Variants in MYOCD observed in about 807,000 individuals in gnomAD.
MYOCD encodes the protein myocardin.
MYOCD carries 32 observed loss-of-function variants against 96.1 expected under a neutral mutation model. The ratio of observed to expected loss-of-function variants is 0.33; its 90% CI spans 0.25 to 0.45. The LOEUF (loss-of-function observed/expected upper bound fraction) is 0.45, where lower values mean the gene tolerates loss of function less well. MYOCD is among the 20% of genes least tolerant of loss of function. The probability of loss-of-function intolerance (pLI) is 1.00; values close to 1 mark genes in which losing one functional copy is unlikely to be tolerated. For synonymous variants in MYOCD, 469 were observed against 469.0 expected, an observed-to-expected ratio of 1.00 and a Z score of 0.00; for missense variants, 1,133 against 1,200.6, an observed-to-expected ratio of 0.94 and a Z score of 0.83.
intron 5 of MYOCD, among the ~76,000 whole-genome samples, chr17:12,726,919 C>T (rs892069503): frequency 6.6e-6 from 1 of 152,070 alleles, no homozygotes; most frequent in Non-Finnish European, 1.5e-5. Flanking sequence ...TATTTGTCCA[C>T]TCAAATTTTC....
intron 4 of MYOCD, among the ~76,000 whole-genome samples, chr17:12,718,660 G>A (rs1459861759): frequency 6.6e-6 from 1 of 152,154 alleles, no homozygotes; most frequent in Non-Finnish European, 1.5e-5. Flanking sequence ...AGAGGCCAAT[G>A]CTGAACTCAA....
chr17:12,669,650 G>T (rs1046966123), intron 1 of MYOCD, among the ~76,000 whole-genome samples: 2 of 151,520 alleles, frequency 1.3e-5, no homozygotes, highest in Non-Finnish European at 2.9e-5. Context: ...ACGGAGTCTC[G>T]CTCTGTTGCC....
intron 10 of MYOCD, among the ~76,000 whole-genome samples, chr17:12,754,776 A>G (rs1173237581): frequency 1.3e-5 from 2 of 152,256 alleles, no homozygotes; most frequent in Non-Finnish European, 2.9e-5. Flanking sequence ...AGGAATCAGA[A>G]GAAAACTTAC....
In MYOCD at chr17:12,678,908, G is replaced by A. The variant is rs550113338; in HGVS notation, c.55+12665G>A. On this transcript the variant is annotated intron_variant, in intron 1 of 13. Transcript: ENST00000425538. ...GAGATGGGGTTTCAGTGTGTTAGCC[G>A]GGATGGTCTCAATCTCCTGACCTCG... 9.2e-5 allele frequency among the ~76,000 whole-genome samples: 14 copies of A among 151,942 alleles called. No individual in the cohort carries two copies. The East Asian group carries it at 2.1e-3, about 23-fold the overall frequency.
At chr17:12,754,381 C>A (rs1000842807) in intron 10 of MYOCD, among the ~76,000 whole-genome samples, 1 of 152,182 alleles carries the variant, frequency 6.6e-6, no homozygotes, top group Non-Finnish European at 1.5e-5. Flanking sequence ...GGATTACAGG[C>A]GTGAGCCACC....
chr17:12,742,829 C>T (rs899613274), intron 7 of MYOCD, among the ~76,000 whole-genome samples: 1 of 152,132 alleles, frequency 6.6e-6, no homozygotes, highest in African/African-American at 2.4e-5. Context: ...ACCTCCGCCT[C>T]CCAAAGTGCT....
intron 1 of MYOCD, among the ~76,000 whole-genome samples, chr17:12,700,200 C>T (rs140753052): frequency 0.011 from 1,596 of 151,776 alleles, 9 homozygotes; most frequent in Non-Finnish European, 0.016. Context: ...TGAGCCACCA[C>T]AACCAGTCAA....
intron 1 of MYOCD, among the ~76,000 whole-genome samples, chr17:12,698,320 A>C (rs965459432): frequency 1.3e-5 from 2 of 152,214 alleles, no homozygotes; most frequent in Admixed American, 1.3e-4. Context: ...GTCATAAGCC[A>C]GTCCATAGAA....
chr17:12,750,683 C>T (rs1447276901), intron 9 of MYOCD, among the ~76,000 whole-genome samples: 2 of 151,446 alleles, frequency 1.3e-5, no homozygotes, highest in Non-Finnish European at 2.9e-5. Flanking sequence ...AGCAAGACTC[C>T]GCCTCAAAAA....
intron 1 of MYOCD, among the ~76,000 whole-genome samples, chr17:12,695,828 T>C (rs1353924921): frequency 6.6e-6 from 1 of 152,128 alleles, no homozygotes; most frequent in Non-Finnish European, 1.5e-5. Context: ...TCTGTTTGCA[T>C]TAAACTATAA....
intron 5 of MYOCD, among the ~76,000 whole-genome samples, chr17:12,726,073 G>A (rs1322920053): frequency 6.6e-6 from 1 of 152,074 alleles, no homozygotes; most frequent in Non-Finnish European, 1.5e-5. Context: ...ATTATTAGTT[G>A]GGATAATGCT....
chr17:12,753,192 C>T lies in MYOCD; in HGVS notation c.1904C>T (p.Pro635Leu). 1 of 1,614,158 alleles carries T rather than the reference C, an allele frequency of 6.2e-7. No homozygotes were observed. The highest frequency in any genetic ancestry group is 8.5e-7 in the Non-Finnish European group (1 of 1,180,024). The change falls in exon 10 of 14, where the codon CCT becomes CTT. Residue 635 changes from proline (P) to leucine (L), a missense_variant. By Grantham distance (98) the Pro-to-Leu change is moderately conservative. Transcript: ENST00000425538. ...SSTFLSPQCS[P>L]QHSPLGAVKS... ...ACATTTCTCAGCCCCCAGTGTTCCC[C>T]TCAGCATTCACCGCTGGGGGCTGTG...
At position 12,763,812 on chromosome 17, in the gene MYOCD, A is replaced by G; in HGVS notation, c.*168A>G. ...ACAAAAGTCATTTTTAGAAATACAT[A>G]TACTGTAATATTTACCAACAGTCAG... On this transcript the variant is annotated 3_prime_UTR_variant, in exon 14 of 14. Transcript: ENST00000425538. The G allele has an allele frequency of 3.5e-6, 2 of 569,518 alleles. No homozygotes were observed. The highest frequency in any genetic ancestry group is 3.5e-5 in the Admixed American group (1 of 28,260). The allele number at this position is 569,518 out of a possible 1,614,324, so 35.3% of individuals were successfully genotyped here.
At chr17:12,723,153 CA>C (rs752405882) in intron 5 of MYOCD, 145 bp downstream of exon 5, 1 of 762,786 alleles carries the variant, frequency 1.3e-6, no homozygotes, top group Non-Finnish European at 2.1e-6. Flanking sequence ...GTTAATTCTC[CA>C]TAACCAGGGA....
At chr17:12,732,149 C>T (rs527377968) in intron 5 of MYOCD, among the ~76,000 whole-genome samples, 58 of 152,114 alleles carry the variant, frequency 3.8e-4, no homozygotes, top group African/African-American at 1.3e-3. Flanking sequence ...GGTGTAAACC[C>T]GTACGCGGGA....
intron 1 of MYOCD, among the ~76,000 whole-genome samples, chr17:12,668,093 T>C (rs1909475348): frequency 6.6e-6 from 1 of 152,242 alleles, no homozygotes; most frequent in Non-Finnish European, 1.5e-5. Flanking sequence ...CTGGATGTAA[T>C]TACTACTATG....
At chr17:12,727,690 T>C (rs1194511066) in intron 5 of MYOCD, among the ~76,000 whole-genome samples, 3 of 152,184 alleles carry the variant, frequency 2.0e-5, no homozygotes, top group Non-Finnish European at 4.4e-5. Flanking sequence ...CCAACAATTC[T>C]CCAACCCTGC....
intron 7 of MYOCD, among the ~76,000 whole-genome samples, chr17:12,743,678 A>T (rs1484239492): frequency 6.6e-6 from 1 of 151,804 alleles, no homozygotes; most frequent in African/African-American, 2.4e-5. Flanking sequence ...TTTTTTGTAG[A>T]GAAGGGGTTT....
At chr17:12,715,295 G>A (rs2031604353) in intron 2 of MYOCD, among the ~76,000 whole-genome samples, 1 of 85,810 alleles carries the variant, frequency 1.2e-5, no homozygotes, top group Admixed American at 1.2e-4. Context: ...TGCACATCCT[G>A]CCTCTGCTAC....
Sources: gnomAD v4.1 joint callset for allele counts (sites outside exome capture counted in the v4.1 genomes callset) on GRCh38, gnomAD v4.1.1 for gene constraint, MANE v1.5 for transcripts, NCBI Gene and HGNC (gene_info 2026-07-23, HGNC 2026-07-21) for gene names.